RPS6KA2: variants seen among roughly 807,000 people sequenced by gnomAD.
RPS6KA2 encodes the protein ribosomal protein S6 kinase A2.
Under a neutral mutation model 91.8 loss-of-function variants are expected in RPS6KA2, and 42 were observed. That is an observed-to-expected ratio of 0.46 (90% CI 0.36 to 0.59). The LOEUF (loss-of-function observed/expected upper bound fraction) is 0.59, where lower values mean the gene tolerates loss of function less well. Ranked by LOEUF, RPS6KA2 falls within the 20% of genes least tolerant of loss-of-function variation. The probability of loss-of-function intolerance (pLI) is 0.00; values close to 1 mark genes in which losing one functional copy is unlikely to be tolerated. For missense variants in RPS6KA2, 798 were observed against 978.5 expected (o/e 0.82, Z 2.46); for synonymous variants, 414 against 393.6 (o/e 1.05, Z -0.61).
At chr6:166,464,807 A>G (rs1350257418) in intron 11 of RPS6KA2, among the ~76,000 whole-genome samples, 2 of 152,192 alleles carry the variant, frequency 1.3e-5, no homozygotes, top group African/African-American at 4.8e-5. Flanking sequence ...CTCATCAAGC[A>G]GAGCTGGCCT....
chr6:166,769,779 C>G (rs1218500276), intron 2 of RPS6KA2, among the ~76,000 whole-genome samples: 1 of 152,216 alleles, frequency 6.6e-6, no homozygotes, highest in East Asian at 1.9e-4. Context: ...GACTCAGCCT[C>G]TCCCATCAGG....
chr6:166,848,435 T>C (rs1780658951), intron 2 of RPS6KA2, among the ~76,000 whole-genome samples: 1 of 152,204 alleles, frequency 6.6e-6, no homozygotes, highest in Admixed American at 6.5e-5. Flanking sequence ...AAAGTCATTA[T>C]ACCAAAAAAT....
intron 1 of RPS6KA2, among the ~76,000 whole-genome samples, chr6:166,590,209 T>G (rs1785311818): frequency 6.6e-6 from 1 of 152,222 alleles, no homozygotes; most frequent in Non-Finnish European, 1.5e-5. Flanking sequence ...TGCTTATACT[T>G]TTTGCTTAAA....
At chr6:166,560,753 C>A (rs1218795866) in intron 1 of RPS6KA2, among the ~76,000 whole-genome samples, 2 of 152,158 alleles carry the variant, frequency 1.3e-5, no homozygotes, top group Non-Finnish European at 1.5e-5. Context: ...ACCAAGTGAA[C>A]AGGAGGACTG....
chr6:166,451,331 CCG>C lies in RPS6KA2; in HGVS notation c.1076-100_1076-99del, dbSNP rs1491111731. Reference sequence around the variant, plus strand: ...GTGCATGTGGTATGTGTGTGCAAGTCCGTGTGTGTGTGTGTGTGTGTGTGTGT... The same window carrying C: ...GTGCATGTGGTATGTGTGTGCAAGTCTGTGTGTGTGTGTGTGTGTGTGTGT... On this transcript the variant is annotated intron_variant, in intron 12 of 20. Coordinates refer to ENST00000265678, the MANE Select transcript of RPS6KA2 (RefSeq NM_021135.6). 8 of 1,153,400 alleles carry C rather than the reference CCG, an allele frequency of 6.9e-6. No individual in the cohort carries two copies. In the East Asian group the frequency reaches 1.4e-4, roughly 20 times the overall value. 71.4% of individuals were successfully genotyped at this position (1,153,400 alleles called of 1,614,324 possible). A position where few individuals can be genotyped will look rare whatever the true frequency, so the allele number is the denominator to read the frequency against.
At chr6:166,810,608 C>A (rs1389821873) in intron 2 of RPS6KA2, among the ~76,000 whole-genome samples, 1 of 152,160 alleles carries the variant, frequency 6.6e-6, no homozygotes, top group African/African-American at 2.4e-5. Context: ...TGTAAGTTGC[C>A]TTTGTGGGTC....
intron 1 of RPS6KA2, among the ~76,000 whole-genome samples, chr6:166,566,192 C>A (rs144761796): frequency 6.6e-6 from 1 of 152,272 alleles, no homozygotes; most frequent in South Asian, 2.1e-4. Flanking sequence ...CTTGGCTGGG[C>A]GCAGGCTGCT....
intron 1 of RPS6KA2, among the ~76,000 whole-genome samples, chr6:166,578,675 C>G (rs536756229): frequency 2.6e-5 from 4 of 152,214 alleles, no homozygotes; most frequent in Non-Finnish European, 5.9e-5. Flanking sequence ...TAAACCTGAT[C>G]CTCAGGTGAC....
intron 2 of RPS6KA2, among the ~76,000 whole-genome samples, chr6:166,679,456 T>G (rs1788718356): frequency 6.6e-6 from 1 of 152,052 alleles, no homozygotes; most frequent in Non-Finnish European, 1.5e-5. Flanking sequence ...AGAGTGAGAC[T>G]CCATCTCAAT....
intron 1 of RPS6KA2, among the ~76,000 whole-genome samples, chr6:166,607,580 C>T (rs1324429634): frequency 2.6e-5 from 4 of 152,042 alleles, no homozygotes; most frequent in Admixed American, 2.0e-4. Context: ...GGCAACTCTA[C>T]GGAGACAGAA....
intron 2 of RPS6KA2, among the ~76,000 whole-genome samples, chr6:166,689,320 C>T (rs1789126686): frequency 6.6e-6 from 1 of 152,244 alleles, no homozygotes; most frequent in African/African-American, 2.4e-5. Context: ...AAGGTAGCAT[C>T]CCAAGGCACT....
chr6:166,809,703 G>A (rs1409381312), intron 2 of RPS6KA2, among the ~76,000 whole-genome samples: 1 of 152,238 alleles, frequency 6.6e-6, no homozygotes, highest in Non-Finnish European at 1.5e-5. Context: ...ACTAAGGCAG[G>A]CACAGGAGCA....
chr6:166,674,245 C>T (rs900600240), intron 2 of RPS6KA2, among the ~76,000 whole-genome samples: 5 of 152,212 alleles, frequency 3.3e-5, no homozygotes, highest in Non-Finnish European at 7.3e-5. Flanking sequence ...TTTGTGGGAA[C>T]AGGAAACCTC....
chr6:166,673,302 G>A (rs1788527883), intron 2 of RPS6KA2, among the ~76,000 whole-genome samples: 1 of 151,882 alleles, frequency 6.6e-6, no homozygotes, highest in South Asian at 2.1e-4. Context: ...GGAGGGTCTT[G>A]GGAAGCACTG....
chr6:166,576,378 G>A (rs1202509755), intron 1 of RPS6KA2, among the ~76,000 whole-genome samples: 1 of 152,238 alleles, frequency 6.6e-6, no homozygotes, highest in East Asian at 1.9e-4. Context: ...AAGAAGACAG[G>A]AAAACGTGGG....
chr6:166,630,581 G>A (rs941635999), upstream of RPS6KA2, among the ~76,000 whole-genome samples: 2 of 152,204 alleles, frequency 1.3e-5, no homozygotes, highest in African/African-American at 2.4e-5. Context: ...GCAGGAAGTC[G>A]TGCTTTTCCG....
At chr6:166,476,652 TC>T (rs1780985224) in intron 10 of RPS6KA2, among the ~76,000 whole-genome samples, 1 of 148,870 alleles carries the variant, frequency 6.7e-6, no homozygotes, top group African/African-American at 2.5e-5. Context: ...GCAGAGAGGG[TC>T]CCCTCTCTCC....
chr6:166,560,764 G>C (rs547442387), intron 1 of RPS6KA2, among the ~76,000 whole-genome samples: 1 of 152,084 alleles, frequency 6.6e-6, no homozygotes, highest in Non-Finnish European at 1.5e-5. Flanking sequence ...AGGAGGACTG[G>C]CTTCCTACCC....
chr6:166,545,990 C>G (rs1783813413), intron 1 of RPS6KA2, among the ~76,000 whole-genome samples: 1 of 152,090 alleles, frequency 6.6e-6, no homozygotes. Context: ...TCTGATAAAT[C>G]CTCCAATCCT....
Sources: allele counts gnomAD v4.1 joint callset (sites outside exome capture counted in the v4.1 genomes callset), GRCh38; gene constraint gnomAD v4.1.1; transcripts MANE v1.5; gene names NCBI Gene and HGNC (gene_info 2026-07-23, HGNC 2026-07-21).